The following ABLIM1 variants were observed in gnomAD, a reference collection of about 807,000 sequenced individuals.
ABLIM1 encodes actin binding LIM protein 1, also known as actin-binding LIM protein 1.
A neutral mutation model predicts 107.0 loss-of-function variants in ABLIM1; 40 were observed. The ratio of observed to expected loss-of-function variants is 0.37; its 90% CI spans 0.29 to 0.49. ABLIM1 has a LOEUF of 0.49. Ranked by LOEUF, ABLIM1 falls within the 20% of genes least tolerant of loss-of-function variation. The pLI is 0.97. For synonymous variants in ABLIM1, 357 were observed against 357.3 expected, an observed-to-expected ratio of 1.00 and a Z score of 0.01; for missense variants, 857 against 1,008.5, an observed-to-expected ratio of 0.85 and a Z score of 2.04.
Position 114,601,913 on chromosome 10 carries a change from T to G in ABLIM1, c.293A>C (p.His98Pro). Residue 98 changes from histidine to proline, a missense_variant, in exon 2 of 23, where the codon CAC (histidine) becomes CCC (proline). Physicochemically the swap from His to Pro is moderately conservative, Grantham distance 77. Transcript: ENST00000533213. The part of the protein sequence containing the change: ...PHHPSEKPVI[H>P]CHKCGEPCKG... ...GCAAGGCTCCCCACATTTATGGCAG[T>G]GAATGACAGGCTTCTCTGATGGGTG... 2 of 1,614,156 alleles carry G rather than the reference T, an allele frequency of 1.2e-6. No individual in the cohort carries two copies. The highest frequency in any genetic ancestry group is 1.7e-6 in the Non-Finnish European group (2 of 1,180,020).
chr10:114,536,239 T>C (rs1356430534), intron 6 of ABLIM1, among the ~76,000 whole-genome samples: 24 of 43,372 alleles, frequency 5.5e-4, no homozygotes, highest in East Asian at 1.4e-3. Context: ...TTTTTTTTTT[T>C]TTTTTTTTTT....
intron 17 of ABLIM1, among the ~76,000 whole-genome samples, chr10:114,443,555 C>T (rs112117716): frequency 1.6e-4 from 25 of 151,786 alleles, no homozygotes; most frequent in African/African-American, 5.6e-4. Context: ...TCAGGTGATC[C>T]GCCTGCCTTG....
intron 1 of ABLIM1, among the ~76,000 whole-genome samples, chr10:114,614,171 G>A (rs2076984917): frequency 6.6e-6 from 1 of 152,118 alleles, no homozygotes; most frequent in East Asian, 1.9e-4. Context: ...TGGAAAGTAG[G>A]CCGGGTGCGG....
chr10:114,440,416 G>A (rs1328716917), intron 19 of ABLIM1, among the ~76,000 whole-genome samples: 1 of 151,952 alleles, frequency 6.6e-6, no homozygotes, highest in African/African-American at 2.4e-5. Flanking sequence ...TGAGGGCAGG[G>A]GCCATGTCTC....
intron 4 of ABLIM1, among the ~76,000 whole-genome samples, 191 bp from the exon 5 acceptor site, chr10:114,547,967 G>C (rs1201463006): frequency 6.6e-6 from 1 of 152,200 alleles, no homozygotes; most frequent in Admixed American, 6.5e-5. Context: ...TCCTCGGAAG[G>C]ACACAGAACG....
At position 114,432,484 on chromosome 10, in the gene ABLIM1, A is replaced by T. The variant is rs1363776190; in HGVS notation, c.*3776T>A. 6.6e-6 allele frequency: 1 copy of T among 152,276 alleles called. No individual in the cohort carries two copies. The highest frequency in any genetic ancestry group is 1.5e-5 in the Non-Finnish European group (1 of 68,056). 9.4% of individuals were successfully genotyped at this position (152,276 alleles called of 1,614,324 possible). Reference sequence around the variant, plus strand: ...GTTTTTAGAAAGACTTACCTAGTCAAAAGTGGTTAATTTGAACTTTTCAAA... The same window carrying T: ...GTTTTTAGAAAGACTTACCTAGTCATAAGTGGTTAATTTGAACTTTTCAAA... On this transcript the variant is annotated 3_prime_UTR_variant, in exon 23 of 23. Coordinates refer to ENST00000533213, the MANE Select transcript of ABLIM1 (RefSeq NM_002313.7).
At chr10:114,526,000 T>G (rs1305581826) in intron 6 of ABLIM1, among the ~76,000 whole-genome samples, 2 of 152,236 alleles carry the variant, frequency 1.3e-5, no homozygotes, top group African/African-American at 2.4e-5. Flanking sequence ...AGGAAAACTA[T>G]TTTCAATATA....
upstream of ABLIM1, among the ~76,000 whole-genome samples, chr10:114,770,393 C>G (rs559163278): frequency 6.6e-6 from 1 of 152,322 alleles, no homozygotes; most frequent in African/African-American, 2.4e-5. Context: ...CCAGTGCCAT[C>G]TCTAGCTACT....
At chr10:114,467,168 G>A (rs1312553878) in intron 11 of ABLIM1, among the ~76,000 whole-genome samples, 1 of 151,836 alleles carries the variant, frequency 6.6e-6, no homozygotes, top group Non-Finnish European at 1.5e-5. Flanking sequence ...CAAAAAAAAA[G>A]GAAATTATGA....
At chr10:114,474,102 A>G in intron 8 of ABLIM1, 146 bp from the exon 9 acceptor site, 1 of 614,020 alleles carries the variant, frequency 1.6e-6, no homozygotes, top group South Asian at 2.4e-5. Context: ...TACAACCTAG[A>G]AGGAAAGGTA....
At chr10:114,664,004 C>G (rs1342489162) in intron 1 of ABLIM1, among the ~76,000 whole-genome samples, 1 of 152,234 alleles carries the variant, frequency 6.6e-6, no homozygotes, top group Non-Finnish European at 1.5e-5. Context: ...CTCTGACTCA[C>G]TCTGGCAAAC....
intron 2 of ABLIM1, among the ~76,000 whole-genome samples, chr10:114,581,827 T>C (rs1285166811): frequency 6.6e-6 from 1 of 152,114 alleles, no homozygotes; most frequent in Non-Finnish European, 1.5e-5. Context: ...CCATGTGCTC[T>C]AGATGTACTA....
intron 1 of ABLIM1, among the ~76,000 whole-genome samples, chr10:114,643,721 C>T (rs1195696983): frequency 1.3e-5 from 2 of 151,806 alleles, no homozygotes; most frequent in African/African-American, 4.8e-5. Context: ...GGACCACAGA[C>T]ATGCATCATT....
upstream of ABLIM1, among the ~76,000 whole-genome samples, chr10:114,687,418 G>A (rs1043605875): frequency 2.6e-5 from 4 of 152,196 alleles, no homozygotes; most frequent in South Asian, 6.2e-4. Context: ...CTTGCCCAAG[G>A]CCAGCAGAGG....
At chr10:114,472,627 G>A (rs2066808768) in intron 10 of ABLIM1, among the ~76,000 whole-genome samples, 1 of 152,038 alleles carries the variant, frequency 6.6e-6, no homozygotes, top group Non-Finnish European at 1.5e-5. Context: ...ATGATGCCAT[G>A]AATATACTTA....
At chr10:114,451,327 G>A (rs2061859808) in intron 14 of ABLIM1, among the ~76,000 whole-genome samples, 1 of 152,194 alleles carries the variant, frequency 6.6e-6, no homozygotes, top group Non-Finnish European at 1.5e-5. Context: ...AAAAAGACTT[G>A]CTAGGATGTT....
At chr10:114,499,965 G>A (rs560795251) in intron 6 of ABLIM1, among the ~76,000 whole-genome samples, 1 of 152,318 alleles carries the variant, frequency 6.6e-6, no homozygotes, top group East Asian at 1.9e-4. Context: ...CTTTTCTCCT[G>A]ATGCAGCATC....
At chr10:114,719,299 A>T (rs2081781655) in intron 1 of ABLIM1, among the ~76,000 whole-genome samples, 1 of 152,226 alleles carries the variant, frequency 6.6e-6, no homozygotes, top group South Asian at 2.1e-4. Context: ...TCCTAGTCCT[A>T]GGCAGTTTAC....
chr10:114,549,707 C>A (rs769635333), intron 4 of ABLIM1, among the ~76,000 whole-genome samples: 4 of 152,060 alleles, frequency 2.6e-5, no homozygotes, highest in Admixed American at 2.6e-4. Flanking sequence ...TGGAAATAGG[C>A]TATATGGACC....
Sources: allele counts gnomAD v4.1 joint callset (sites outside exome capture counted in the v4.1 genomes callset), GRCh38; gene constraint gnomAD v4.1.1; transcripts MANE v1.5; gene names NCBI Gene and HGNC (gene_info 2026-07-23, HGNC 2026-07-21).